NUMB: variants seen among roughly 807,000 people sequenced by gnomAD.
NUMB encodes protein numb homolog.
NUMB carries 29 observed loss-of-function variants against 59.7 expected under a neutral mutation model. The observed-to-expected ratio is 0.49, with a 90% CI of 0.36 to 0.66. The LOEUF (loss-of-function observed/expected upper bound fraction) is 0.66. Ranked by LOEUF, NUMB falls within the 30% of genes least tolerant of loss-of-function variation. NUMB has a pLI of 0.00. For missense variants in NUMB, 723 were observed against 822.0 expected, an observed-to-expected ratio of 0.88 and a Z score of 1.47; for synonymous variants, 288 against 288.2, an observed-to-expected ratio of 1.00 and a Z score of 0.01.
At chr14:73,445,374 A>C (rs1246753311) in intron 1 of NUMB, among the ~76,000 whole-genome samples, 6 of 141,630 alleles carry the variant, frequency 4.2e-5, no homozygotes, top group Non-Finnish European at 6.1e-5. Context: ...AAAAAAAAAA[A>C]AAAAAAAAAA....
At chr14:73,321,123 T>C (rs1406068094) in intron 5 of NUMB, among the ~76,000 whole-genome samples, 1 of 151,944 alleles carries the variant, frequency 6.6e-6, no homozygotes, top group Non-Finnish European at 1.5e-5. Context: ...CAAAATACCG[T>C]TTCTCAATAT....
At chr14:73,360,099 G>A (rs1217290385) in intron 3 of NUMB, among the ~76,000 whole-genome samples, 1 of 152,188 alleles carries the variant, frequency 6.6e-6, no homozygotes, top group Non-Finnish European at 1.5e-5. Context: ...AATGGATCAT[G>A]GCATTGCTTA....
intron 1 of NUMB, among the ~76,000 whole-genome samples, chr14:73,447,588 A>G (rs1883610396): frequency 6.6e-6 from 1 of 151,636 alleles, no homozygotes; most frequent in Admixed American, 6.6e-5. Flanking sequence ...TTATAATCCC[A>G]GCACTTTGGG....
chr14:73,443,042 T>G (rs542600759), intron 1 of NUMB, among the ~76,000 whole-genome samples: 1 of 152,014 alleles, frequency 6.6e-6, no homozygotes, highest in Admixed American at 6.6e-5. Flanking sequence ...TTTGCATTTT[T>G]GTAGAGATGG....
chr14:73,359,524 G>A (rs1893997301), intron 3 of NUMB, among the ~76,000 whole-genome samples: 1 of 152,138 alleles, frequency 6.6e-6, no homozygotes, highest in South Asian at 2.1e-4. Flanking sequence ...AGCAAGGATT[G>A]ATTTAGCAAG....
intron 6 of NUMB, among the ~76,000 whole-genome samples, chr14:73,315,035 T>C (rs1891012554): frequency 1.3e-5 from 2 of 152,256 alleles, no homozygotes; most frequent in Middle Eastern, 3.4e-3. Context: ...AAAAAATGTA[T>C]TGTGACATGT....
rs61489875 is a variant in NUMB, at chr14:73,377,994, TACACACACACACAC to T, written c.-100-11027_-100-11014del. On this transcript the variant is annotated intron_variant, in intron 2 of 12. Coordinates refer to ENST00000555238, the MANE Select transcript of NUMB (RefSeq NM_001005743.2). ...ATACATATAGATATATATATACACATACACACACACACACACACACACACATACACACACACACA... is the reference window on the plus strand; with the variant it reads ...ATACATATAGATATATATATACACATACACACACACATACACACACACACA... 8.9e-5 allele frequency among the ~76,000 whole-genome samples: 13 copies of T among 146,612 alleles called. No homozygotes were observed. The South Asian group carries it at 2.8e-3, about 32-fold the overall frequency.
rs1893420562 is a variant in NUMB, at chr14:73,352,507, TATATATATATATATATATA to T, written c.126+3100_126+3118del. Among the ~76,000 whole-genome samples the T allele has an allele frequency of 1.3e-3, 20 of 15,956 alleles. 1 individual carries two copies. The highest frequency in any genetic ancestry group is 1.5e-3 in the African/African-American group (3 of 1,984). 10.5% of individuals were successfully genotyped at this position (15,956 alleles called of 152,430 possible). On this transcript the variant is annotated intron_variant, in intron 4 of 12. Transcript: ENST00000555238. ...ATATATATATATATATATATATATA[TATATATATATATATATATA>T]TATGTTTTTTTTTTTTTTTTTTTTT...
In NUMB at chr14:73,367,464, G is replaced by A. The variant is rs931615787; in HGVS notation, c.-100-483C>T. Among the ~76,000 whole-genome samples the A allele has an allele frequency of 2.0e-5, 3 of 150,958 alleles. No homozygotes were observed. In the Admixed American group the frequency reaches 2.0e-4, roughly 10 times the overall value. On this transcript the variant is annotated intron_variant, in intron 2 of 12. Transcript: ENST00000555238. ...GTAAGACCAGTAATTAGCATTCAAGGGGCCCAAAACAGGAAGAGCTGTGTC... is the reference window on the plus strand; with the variant it reads ...GTAAGACCAGTAATTAGCATTCAAGAGGCCCAAAACAGGAAGAGCTGTGTC...
intron 4 of NUMB, among the ~76,000 whole-genome samples, chr14:73,332,607 C>T (rs931177560): frequency 9.9e-5 from 15 of 151,728 alleles, no homozygotes; most frequent in African/African-American, 3.6e-4. Context: ...TGTCATCATT[C>T]CTGCCTTGCT....
At chr14:73,367,067 AAC>A (rs1894376312) in intron 2 of NUMB, 86 bp from the exon 3 acceptor site, 1 of 152,004 alleles carries the variant, frequency 6.6e-6, no homozygotes, top group African/African-American at 2.4e-5. Flanking sequence ...CTCCAAACAA[AAC>A]ACACACAAAA....
intron 4 of NUMB, among the ~76,000 whole-genome samples, chr14:73,348,093 A>G (rs1371436878): frequency 6.6e-6 from 1 of 152,186 alleles, no homozygotes; most frequent in East Asian, 1.9e-4. Context: ...CCACCATGGA[A>G]AACCTTGTAT....
At position 73,440,247 on chromosome 14, in the gene NUMB, A is replaced by G. The variant is rs536800352; in HGVS notation, c.-233+18246T>C. On this transcript the variant is annotated intron_variant, in intron 1 of 12. Coordinates refer to ENST00000555238, the MANE Select transcript of NUMB (RefSeq NM_001005743.2). ...TATATATGGATATCCATATATATAT[A>G]CATCCATATATCTATAGATATCCAT... Among the ~76,000 whole-genome samples, 6 of 138,858 alleles carry G rather than the reference A, an allele frequency of 4.3e-5. No individual in the cohort carries two copies. In the South Asian group the frequency reaches 1.4e-3, roughly 32 times the overall value. The allele number at this position is 138,858 out of a possible 152,430, so 91.1% of individuals were successfully genotyped here. A position where few individuals can be genotyped will look rare whatever the true frequency, so the allele number is the denominator to read the frequency against.
intron 3 of NUMB, among the ~76,000 whole-genome samples, chr14:73,365,000 A>C (rs1894269917): frequency 6.6e-6 from 1 of 152,174 alleles, no homozygotes; most frequent in South Asian, 2.1e-4. Context: ...AAAGAAAACA[A>C]AGAGGAAAAA....
chr14:73,327,691 G>C lies in NUMB; in HGVS notation c.127-4487C>G, dbSNP rs1020459169. Among the ~76,000 whole-genome samples the C allele has an allele frequency of 2.0e-5, 3 of 152,200 alleles. No individual in the cohort carries two copies. The South Asian group carries it at 6.2e-4, about 32-fold the overall frequency. On this transcript the variant is annotated intron_variant, in intron 4 of 12. Coordinates refer to ENST00000555238, the MANE Select transcript of NUMB (RefSeq NM_001005743.2). Reference sequence around the variant, plus strand: ...TATCTGCAATTTCTGAGTAAGACTGGTTCTTAGAGATGACTCTAGCTCATA... The same window carrying C: ...TATCTGCAATTTCTGAGTAAGACTGCTTCTTAGAGATGACTCTAGCTCATA...
intron 1 of NUMB, among the ~76,000 whole-genome samples, chr14:73,451,442 A>G (rs1015824983): frequency 6.6e-6 from 1 of 151,274 alleles, no homozygotes; most frequent in African/African-American, 2.4e-5. Context: ...TCTAAAAAAA[A>G]AAAAAAAAAA....
chr14:73,286,721 T>C (rs8011562), intron 9 of NUMB: 13,251 of 257,074 alleles, frequency 0.052, 1,038 homozygotes, highest in African/African-American at 0.18. Context: ...TCATAGTCCG[T>C]GGATGCTTTG....
At chr14:73,371,747 A>T (rs1894684721) in intron 2 of NUMB, among the ~76,000 whole-genome samples, 1 of 152,138 alleles carries the variant, frequency 6.6e-6, no homozygotes, top group Admixed American at 6.6e-5. Context: ...GTGCAGCTTC[A>T]GCTAGCTTGC....
At chr14:73,343,449 TA>T (rs1416117797) in intron 4 of NUMB, among the ~76,000 whole-genome samples, 1 of 152,222 alleles carries the variant, frequency 6.6e-6, no homozygotes, top group Non-Finnish European at 1.5e-5. Flanking sequence ...GTTAGTTGCC[TA>T]CATGACAGGC....
Sources: allele counts gnomAD v4.1 joint callset (sites outside exome capture counted in the v4.1 genomes callset), GRCh38; gene constraint gnomAD v4.1.1; transcripts MANE v1.5; gene names NCBI Gene and HGNC (gene_info 2026-07-23, HGNC 2026-07-21).